CDK12: variants seen among roughly 807,000 people sequenced by gnomAD.
The protein encoded by CDK12 is cyclin-dependent kinase 12.
A neutral mutation model predicts 133.8 loss-of-function variants in CDK12; 17 were observed. The observed-to-expected ratio is 0.13, with a 90% CI of 0.09 to 0.19. The LOEUF is 0.19. CDK12 is among the 10% of genes least tolerant of loss of function. The pLI is 1.00. For synonymous variants in CDK12, 694 were observed against 683.6 expected (o/e 1.02, Z -0.24); for missense variants, 1,508 against 1,818.7 (o/e 0.83, Z 3.11).
At position 39,526,336 on chromosome 17, in the gene CDK12, A is replaced by T; in HGVS notation, c.3760+20A>T. 2 of 1,548,350 alleles carry T rather than the reference A, an allele frequency of 1.3e-6. No individual in the cohort carries two copies. Among genetic ancestry groups the T allele is most frequent in the Non-Finnish European group, 1.7e-6 (2 of 1,144,914 alleles). The stretch of plus-strand genomic sequence containing the variant: ...CAGCAGGTAAACAGACCGGTCATGA[A>T]TCTCATTGAGCTCAGGTGCTGTTGA... On this transcript the variant is annotated intron_variant, in intron 13 of 13. Transcript: ENST00000447079.
In CDK12 at chr17:39,509,769, AT is replaced by A. The variant is rs751973222; in HGVS notation, c.2666+10del. On this transcript the variant is annotated intron_variant, in intron 7 of 13. Transcript: ENST00000447079. ...CTATAACTCTGAAGAGAGGTAAGGC[AT>A]TAATTAAAATTACATGTGGGAAATA... 6.9e-6 allele frequency: 11 copies of A among 1,588,568 alleles called. No individual in the cohort carries two copies. In the East Asian group the frequency reaches 2.2e-4, roughly 32 times the overall value.
downstream of CDK12, among the ~76,000 whole-genome samples, chr17:39,538,904 AATACATACATACATAC>A (rs199620122): frequency 2.0e-4 from 29 of 145,002 alleles, no homozygotes; most frequent in Middle Eastern, 3.5e-3. Flanking sequence ...ATCTCAAATA[AATACATACATACATAC>A]ATACATACAT....
In CDK12 at chr17:39,520,025, T is replaced by G; in HGVS notation, c.3033T>G (p.Ala1011=). The G allele has an allele frequency of 1.2e-6, 2 of 1,614,112 alleles. No homozygotes were observed. The highest frequency in any genetic ancestry group is 1.7e-6 in the Non-Finnish European group (2 of 1,179,992). The change falls in exon 11 of 14, where the codon GCT becomes GCG. Residue 1011 remains alanine, a synonymous_variant. Transcript: ENST00000447079. The part of the protein sequence containing the change: ...LTLDPSKRCT[A]EQTLQSDFLK... Reference sequence around the variant, plus strand: ...TAGATCCTAGTAAGCGGTGCACAGCTGAACAGACCCTACAGAGCGACTTCC... The same window carrying G: ...TAGATCCTAGTAAGCGGTGCACAGCGGAACAGACCCTACAGAGCGACTTCC...
intron 5 of CDK12, among the ~76,000 whole-genome samples, chr17:39,498,731 A>C (rs1373020766): frequency 6.6e-6 from 1 of 151,284 alleles, no homozygotes; most frequent in Non-Finnish European, 1.5e-5. Context: ...GTGTCTCACT[A>C]TTTTGCCCAG....
chr17:39,496,590 A>G (rs187646182), intron 5 of CDK12, among the ~76,000 whole-genome samples: 1 of 152,158 alleles, frequency 6.6e-6, no homozygotes, highest in East Asian at 1.9e-4. Context: ...ATCTTCAGCT[A>G]CTTGGGAGGC....
intron 6 of CDK12, among the ~76,000 whole-genome samples, chr17:39,507,153 C>T (rs540488392): frequency 6.6e-6 from 1 of 151,678 alleles, no homozygotes. Context: ...GCCTCGGTCT[C>T]CCAAAGTGTT....
intron 6 of CDK12, among the ~76,000 whole-genome samples, chr17:39,507,477 T>G (rs1389101388): frequency 6.6e-6 from 1 of 151,454 alleles, no homozygotes; most frequent in African/African-American, 2.4e-5. Context: ...TCCCAGCTAC[T>G]CGGGAGGCAG....
intron 5 of CDK12, among the ~76,000 whole-genome samples, chr17:39,496,737 T>C (rs969473759): frequency 1.3e-5 from 2 of 151,912 alleles, no homozygotes; most frequent in African/African-American, 4.8e-5. Context: ...AACAATGCCT[T>C]GAGTATCTTT....
At chr17:39,483,303 C>T (rs1324768971) in intron 2 of CDK12, among the ~76,000 whole-genome samples, 5 of 151,388 alleles carry the variant, frequency 3.3e-5, no homozygotes, top group South Asian at 2.1e-4. Flanking sequence ...TTCCCTTTGT[C>T]GCCCATGCTG....
At chr17:39,526,635 G>GT (rs1429278158) in intron 13 of CDK12, among the ~76,000 whole-genome samples, 3 of 152,178 alleles carry the variant, frequency 2.0e-5, no homozygotes, top group Non-Finnish European at 4.4e-5. Context: ...ATCTTGAACT[G>GT]TGTGTGGTGG....
Position 39,490,715 on chromosome 17 carries a change from C to T in CDK12, c.2090C>T (p.Pro697Leu). Reference protein sequence around the residue: ...EPKAITPPQQPYKKRPKICCP... With the variant: ...EPKAITPPQQLYKKRPKICCP... ...AAGGCAATCACACCACCTCAGCAAC[C>T]ATATAAAAAGAGACCAAAGTGAGTT... Residue 697 changes from proline to leucine, a missense_variant, in exon 3 of 14, where the codon CCA (proline) becomes CTA (leucine). Transcript: ENST00000447079. 6.2e-7 allele frequency: 1 copy of T among 1,610,140 alleles called. No homozygotes were observed. Among genetic ancestry groups the T allele is most frequent in the Non-Finnish European group, 8.5e-7 (1 of 1,178,296 alleles).
chr17:39,548,520 G>T (rs1386658298), upstream of CDK12, among the ~76,000 whole-genome samples: 1 of 152,208 alleles, frequency 6.6e-6, no homozygotes, highest in African/African-American at 2.4e-5. Flanking sequence ...TAAGAAAAGT[G>T]TTTTGTTAGT....
In CDK12 at chr17:39,471,327, G is replaced by A; in HGVS notation, c.1495G>A (p.Gly499Arg). The A allele has an allele frequency of 6.2e-7, 1 of 1,613,742 alleles. No homozygotes were observed. The highest frequency in any genetic ancestry group is 8.5e-7 in the Non-Finnish European group (1 of 1,179,788). Residue 499 changes from glycine to arginine, a missense_variant, in exon 2 of 14, where the codon GGA (glycine) becomes AGA (arginine). Physicochemically the swap from Gly to Arg is moderately radical, Grantham distance 125 (BLOSUM62 -2). Transcript: ENST00000447079. ...KHLVKDLKAQGTRDSKPIALK... is the reference protein window; with the variant it reads ...KHLVKDLKAQRTRDSKPIALK... ...TCTTGTTAAAGATTTGAAAGCACAGGGAACAAGAGACTCTAAACCCATAGC... is the reference window on the plus strand; with the variant it reads ...TCTTGTTAAAGATTTGAAAGCACAGAGAACAAGAGACTCTAAACCCATAGC...
chr17:39,496,951 G>GTTTTTT (rs2052171487), intron 5 of CDK12, among the ~76,000 whole-genome samples: 1 of 110,328 alleles, frequency 9.1e-6, no homozygotes, highest in Non-Finnish European at 1.7e-5. Flanking sequence ...TTAATTTTGA[G>GTTTTTT]AAGGAGTCTC....
rs138585399 is a variant in CDK12, at chr17:39,531,091, C to T, written c.4248C>T (p.Val1416=). The change falls in exon 14 of 14, where the codon GTC becomes GTT. Residue 1416 remains valine, a synonymous_variant. Transcript: ENST00000447079. Reference sequence around the variant, plus strand: ...TCCCCTTAGCGTTACACCCGGTGGTCGGGCAACCATTCCTGAAGGCTGAGG... The same window carrying T: ...TCCCCTTAGCGTTACACCCGGTGGTTGGGCAACCATTCCTGAAGGCTGAGG... ...ARVPLALHPV[V]GQPFLKAEGS... 8 of 1,593,782 alleles carry T rather than the reference C, an allele frequency of 5.0e-6. No homozygotes were observed. Among genetic ancestry groups the T allele is most frequent in the Middle Eastern group, 1.7e-4 (1 of 5,936 alleles).
chr17:39,478,441 G>T lies in CDK12; in HGVS notation c.1931+6678G>T, dbSNP rs568243638. Among the ~76,000 whole-genome samples the T allele has an allele frequency of 2.9e-3, 444 of 152,128 alleles. 2 individuals carry two copies. Among genetic ancestry groups the T allele is most frequent in the Non-Finnish European group, 4.8e-3 (327 of 67,992 alleles). Reference sequence around the variant, plus strand: ...ACTCCTGACCTTAGGTGATCCACCTGCCTTGGCCTCCCATAGTGCTGGGAT... The same window carrying T: ...ACTCCTGACCTTAGGTGATCCACCTTCCTTGGCCTCCCATAGTGCTGGGAT... On this transcript the variant is annotated intron_variant, in intron 2 of 13. Coordinates refer to ENST00000447079, the MANE Select transcript of CDK12 (RefSeq NM_016507.4).
At position 39,477,577 on chromosome 17, in the gene CDK12, T is replaced by TA. The variant is rs199734190; in HGVS notation, c.1931+5814_1931+5815insA. 6.1e-4 allele frequency among the ~76,000 whole-genome samples: 90 copies of TA among 146,624 alleles called. 1 individual carries two copies. Among genetic ancestry groups the TA allele is most frequent in the African/African-American group, 1.7e-3 (66 of 39,324 alleles). ...TATTTTTATTTATTTATTATTTATT[T>TA]TTTTTTTTTTTTTGAGTCAGAGTCT... On this transcript the variant is annotated intron_variant, in intron 2 of 13. Coordinates refer to ENST00000447079, the MANE Select transcript of CDK12 (RefSeq NM_016507.4).
chr17:39,489,370 A>G (rs948125134), intron 2 of CDK12, among the ~76,000 whole-genome samples: 42 of 142,840 alleles, frequency 2.9e-4, no homozygotes, highest in Admixed American at 5.6e-4. Flanking sequence ...GTGCCTGGCC[A>G]GTTTCTATAT....
At chr17:39,502,198 G>C (rs562219618) in intron 6 of CDK12, among the ~76,000 whole-genome samples, 1 of 151,534 alleles carries the variant, frequency 6.6e-6, no homozygotes, top group African/African-American at 2.4e-5. Context: ...TGTCGCCCAG[G>C]CTGGAGTGCA....
Sources: gnomAD v4.1 joint callset for allele counts (sites outside exome capture counted in the v4.1 genomes callset) on GRCh38, gnomAD v4.1.1 for gene constraint, MANE v1.5 for transcripts, NCBI Gene and HGNC (gene_info 2026-07-23, HGNC 2026-07-21) for gene names.